Variants in LIMD1 observed in about 807,000 individuals in gnomAD.
LIMD1 encodes the protein LIM domain-containing protein 1.
In LIMD1, 23 loss-of-function variants were observed where a neutral mutation model predicts 58.4. The observed-to-expected ratio is 0.39, with a 90% CI of 0.28 to 0.56. The LOEUF is 0.56. Among genes scored for constraint, LIMD1 ranks in the 20% least tolerant of loss-of-function variants. LIMD1 has a pLI of 0.57. For synonymous variants in LIMD1, 334 were observed against 345.5 expected, an observed-to-expected ratio of 0.97 and a Z score of 0.37; for missense variants, 838 against 855.5, an observed-to-expected ratio of 0.98 and a Z score of 0.25.
intron 1 of LIMD1, among the ~76,000 whole-genome samples, chr3:45,614,460 C>T (rs1559515329): frequency 1.3e-5 from 2 of 150,012 alleles, no homozygotes; most frequent in Non-Finnish European, 3.0e-5. Context: ...GTGGTTCACG[C>T]ACTTTGTAAT....
rs778606904 is a variant in LIMD1 at position 45,665,666 on chromosome 3, A to T, written c.1527A>T (p.Gly509=). ...TCAACSRKLR[G]KAFYFVNGKV... is the part of the protein sequence containing the mutation. ...TTTCCTTAGGCCGGAAGCTGAGAGG[A>T]AAAGCCTTTTATTTTGTCAACGGCA... The change falls in exon 3 of 8, where the codon GGA becomes GGT. Residue 509 remains glycine (G), a synonymous_variant. Transcript: ENST00000273317. 5.0e-6 allele frequency: 8 copies of T among 1,614,096 alleles called. No homozygotes were observed. The South Asian group carries it at 7.7e-5, about 16-fold the overall frequency.
intron 1 of LIMD1, among the ~76,000 whole-genome samples, chr3:45,600,319 TTTGTGGGAAGAGC>T (rs1386430546): frequency 6.6e-6 from 1 of 152,176 alleles, no homozygotes; most frequent in African/African-American, 2.4e-5. Flanking sequence ...GGCATTTGAC[TTTGTGGGAAGAGC>T]TTGTGAATCC....
chr3:45,628,429 A>T (rs1701687795), intron 1 of LIMD1, among the ~76,000 whole-genome samples: 1 of 152,254 alleles, frequency 6.6e-6, no homozygotes, highest in Non-Finnish European at 1.5e-5. Context: ...TACTAGAGAG[A>T]TGCAGATTAA....
chr3:45,596,227 G>A lies in LIMD1; in HGVS notation c.1348G>A (p.Glu450Lys). ...LRPSAAELKLEALTQRLEREM... is the reference protein window; with the variant it reads ...LRPSAAELKLKALTQRLEREM... ...ACCCTCTGCTGCTGAGTTGAAATTAGAAGCCCTCACCCAACGTCTGGAGCG... is the reference window on the plus strand; with the variant it reads ...ACCCTCTGCTGCTGAGTTGAAATTAAAAGCCCTCACCCAACGTCTGGAGCG... Residue 450 changes from glutamate (E) to lysine (K), a missense_variant, in exon 1 of 8, where the codon GAA (glutamate) becomes AAA (lysine). Coordinates refer to ENST00000273317, the MANE Select transcript of LIMD1 (RefSeq NM_014240.3). 1 of 1,613,116 alleles carries A rather than the reference G, an allele frequency of 6.2e-7. No homozygotes were observed. The highest frequency in any genetic ancestry group is 8.5e-7 in the Non-Finnish European group (1 of 1,179,726).
intron 2 of LIMD1, among the ~76,000 whole-genome samples, chr3:45,649,310 T>C (rs887696857): frequency 2.6e-5 from 4 of 152,176 alleles, no homozygotes; most frequent in African/African-American, 9.7e-5. Context: ...TTTTTTCTTT[T>C]TCGTATGCTG....
chr3:45,662,276 AGTGTGTGT>A (rs139596165), intron 2 of LIMD1, among the ~76,000 whole-genome samples: 1 of 111,508 alleles, frequency 9.0e-6, no homozygotes, highest in Non-Finnish European at 2.3e-5. Context: ...GTTTCACCTA[AGTGTGTGT>A]GTGTGTGTGT....
intron 1 of LIMD1, 75 bp from the exon 2 acceptor site, chr3:45,636,075 T>C (rs1256843584): frequency 2.8e-5 from 45 of 1,601,380 alleles, no homozygotes; most frequent in South Asian, 4.5e-5. Context: ...TATTATGCTT[T>C]GTTCATTGGC....
rs771207237 is a variant in LIMD1, at chr3:45,595,346, C to A, written c.467C>A (p.Thr156Asn). 12 of 1,613,690 alleles carry A rather than the reference C, an allele frequency of 7.4e-6. No individual in the cohort carries two copies. The Admixed American group carries it at 2.0e-4, about 27-fold the overall frequency. Reference protein sequence around the residue: ...QDCGSRESLATSEMSAFHQPG... With the variant: ...QDCGSRESLANSEMSAFHQPG... The stretch of plus-strand genomic sequence containing the variant: ...TGTGGTTCCAGGGAGAGCCTGGCGA[C>A]TTCTGAGATGTCTGCTTTCCACCAG... Residue 156 changes from threonine (T) to asparagine (N), a missense_variant, in exon 1 of 8, where the codon ACT (threonine) becomes AAT (asparagine). Thr to Asn is a moderately conservative substitution (Grantham distance 65). This residue lies in a region of LIMD1 where 659 missense variants were observed against 639.8 expected (regional missense o/e 1.03). Coordinates refer to ENST00000273317, the MANE Select transcript of LIMD1 (RefSeq NM_014240.3).
At position 45,655,926 on chromosome 3, in the gene LIMD1, C is replaced by T. The variant is rs534804787; in HGVS notation, c.1511-9724C>T. ...CATCTACTTCCCTGGAAGGACTGAACGTTTATACCGCCCCCTCACAAATCC... is the reference window on the plus strand; with the variant it reads ...CATCTACTTCCCTGGAAGGACTGAATGTTTATACCGCCCCCTCACAAATCC... On this transcript the variant is annotated intron_variant, in intron 2 of 7. Transcript: ENST00000273317. 7.2e-5 allele frequency among the ~76,000 whole-genome samples: 11 copies of T among 152,284 alleles called. No individual in the cohort carries two copies. In the South Asian group the frequency reaches 1.9e-3, roughly 26 times the overall value.
chr3:45,636,047 G>A, intron 1 of LIMD1, 103 bp from the exon 2 acceptor site: 2 of 1,569,606 alleles, frequency 1.3e-6, no homozygotes, highest in Non-Finnish European at 1.7e-6. Context: ...GTGGTGGGCT[G>A]GCCATGGGGA....
chr3:45,683,723 C>G lies in LIMD1; in HGVS notation c.*6664C>G, dbSNP rs753586172. 2 of 152,232 alleles carry G rather than the reference C, an allele frequency of 1.3e-5. No homozygotes were observed. Among genetic ancestry groups the G allele is most frequent in the Non-Finnish European group, 2.9e-5 (2 of 68,056 alleles). The allele number at this position is 152,232 out of a possible 1,614,324, so 9.4% of individuals were successfully genotyped here. On this transcript the variant is annotated 3_prime_UTR_variant, in exon 8 of 8. Transcript: ENST00000273317. Reference sequence around the variant, plus strand: ...GAGGGTATTTAAATCCCAGAAAATTCTGTAACCGGGTTCTTGAGCTGCTTG... The same window carrying G: ...GAGGGTATTTAAATCCCAGAAAATTGTGTAACCGGGTTCTTGAGCTGCTTG...
At chr3:45,606,139 G>A (rs895396382) in intron 1 of LIMD1, among the ~76,000 whole-genome samples, 1 of 152,188 alleles carries the variant, frequency 6.6e-6, no homozygotes, top group Non-Finnish European at 1.5e-5. Context: ...CCTGTATTAC[G>A]TTGTTCAATC....
chr3:45,600,536 C>G (rs1395531515), intron 1 of LIMD1, among the ~76,000 whole-genome samples: 2 of 152,214 alleles, frequency 1.3e-5, no homozygotes, highest in African/African-American at 2.4e-5. Flanking sequence ...CTCCCCACCC[C>G]CTGTCCCCGT....
Position 45,673,408 on chromosome 3 carries a change from T to A in LIMD1, c.1773-46T>A, listed in dbSNP as rs759157942. 51 of 1,543,834 alleles carry A rather than the reference T, an allele frequency of 3.3e-5. No individual in the cohort carries two copies. In the East Asian group the frequency reaches 1.1e-3, roughly 33 times the overall value. On this transcript the variant is annotated intron_variant, in intron 5 of 7. Coordinates refer to ENST00000273317, the MANE Select transcript of LIMD1 (RefSeq NM_014240.3). ...CCAAGTGCAAGTCTGACTCTGGAAT[T>A]TGCTCCCAGAAGCAACATTTATTGC...
intron 1 of LIMD1, among the ~76,000 whole-genome samples, chr3:45,596,925 A>G (rs1410420954): frequency 1.4e-4 from 21 of 149,582 alleles, no homozygotes; most frequent in Non-Finnish European, 1.8e-4. Context: ...GCAGTGGCAC[A>G]ATCTCGGCTC....
At chr3:45,613,209 C>T (rs1310576727) in intron 1 of LIMD1, among the ~76,000 whole-genome samples, 2 of 152,164 alleles carry the variant, frequency 1.3e-5, no homozygotes, top group East Asian at 1.9e-4. Flanking sequence ...GCTGAGGGTT[C>T]GATGTTAATG....
chr3:45,641,639 C>A (rs950928970), intron 2 of LIMD1, among the ~76,000 whole-genome samples: 2 of 152,030 alleles, frequency 1.3e-5, no homozygotes, highest in Non-Finnish European at 2.9e-5. Context: ...GTTAAGCTCA[C>A]ACACATTTAC....
Position 45,684,692 on chromosome 3 carries a change from G to A in LIMD1, c.*7633G>A, listed in dbSNP as rs567496671. ...CAGGTGTGCCATTTACATAGCCCTCGAAGAAACTGGCCATTCCACCTTGAT... is the reference window on the plus strand; with the variant it reads ...CAGGTGTGCCATTTACATAGCCCTCAAAGAAACTGGCCATTCCACCTTGAT... On this transcript the variant is annotated 3_prime_UTR_variant, in exon 8 of 8. Coordinates refer to ENST00000273317, the MANE Select transcript of LIMD1 (RefSeq NM_014240.3). 5.9e-5 allele frequency: 9 copies of A among 152,288 alleles called. 1 individual carries two copies. In the East Asian group the frequency reaches 1.7e-3, roughly 29 times the overall value. The allele number at this position is 152,288 out of a possible 1,614,324, so 9.4% of individuals were successfully genotyped here.
At chr3:45,670,819 G>C (rs1188881697) in intron 4 of LIMD1, among the ~76,000 whole-genome samples, 1 of 152,194 alleles carries the variant, frequency 6.6e-6, no homozygotes, top group Non-Finnish European at 1.5e-5. Context: ...CCTAGGACTT[G>C]AAAACTTTTA....
Sources: gnomAD v4.1 joint callset for allele counts (sites outside exome capture counted in the v4.1 genomes callset) on GRCh38, gnomAD v4.1.1 for gene constraint, gnomAD v4.1.1 regional missense constraint, MANE v1.5 for transcripts, NCBI Gene and HGNC (gene_info 2026-07-23, HGNC 2026-07-21) for gene names.